EEF1AKMT1: variants seen among roughly 807,000 people sequenced by gnomAD.
EEF1AKMT1 encodes the protein EEF1A lysine methyltransferase 1.
EEF1AKMT1 carries 18 observed loss-of-function variants against 21.0 expected under a neutral mutation model. That is an observed-to-expected ratio of 0.86 (90% CI 0.59 to 1.27). EEF1AKMT1 has a LOEUF of 1.27. Among genes scored for constraint, EEF1AKMT1 ranks in the 50% most tolerant of loss-of-function variants. The probability of loss-of-function intolerance (pLI) is 0.00; values close to 1 mark genes in which losing one functional copy is unlikely to be tolerated. For synonymous variants in EEF1AKMT1, 109 were observed against 94.8 expected (o/e 1.15, Z -0.87); for missense variants, 246 against 258.6 (o/e 0.95, Z 0.33).
intron 2 of EEF1AKMT1, among the ~76,000 whole-genome samples, chr13:20,739,122 A>G (rs568402204): frequency 1.3e-5 from 2 of 151,794 alleles, no homozygotes; most frequent in African/African-American, 4.8e-5. Flanking sequence ...GAGGATTACA[A>G]CTCCTAAGAT....
At chr13:20,743,598 A>G (rs778293711) in intron 2 of EEF1AKMT1, among the ~76,000 whole-genome samples, 19 of 149,554 alleles carry the variant, frequency 1.3e-4, no homozygotes, top group Non-Finnish European at 2.5e-4. Context: ...TTGTCTTAGA[A>G]TAGTTTGCTT....
intron 3 of EEF1AKMT1, among the ~76,000 whole-genome samples, chr13:20,735,334 C>T (rs2058820777): frequency 6.7e-6 from 1 of 149,368 alleles, no homozygotes; most frequent in South Asian, 2.2e-4. Flanking sequence ...CTGCCCCCCA[C>T]CATGACTGTG....
chr13:20,732,694 C>G (rs999828942), intron 3 of EEF1AKMT1, among the ~76,000 whole-genome samples: 4 of 152,152 alleles, frequency 2.6e-5, no homozygotes, highest in Non-Finnish European at 4.4e-5. Flanking sequence ...TGTAAAATAT[C>G]AGGAACACAT....
At chr13:20,737,550 T>C (rs992251441) in intron 3 of EEF1AKMT1, among the ~76,000 whole-genome samples, 173 bp downstream of exon 3, 1 of 152,268 alleles carries the variant, frequency 6.6e-6, no homozygotes, top group Non-Finnish European at 1.5e-5. Context: ...AATAGGTTTC[T>C]GAGTGGGTCT....
At chr13:20,762,440 C>T (rs192173549) in intron 1 of EEF1AKMT1, among the ~76,000 whole-genome samples, 37 of 152,112 alleles carry the variant, frequency 2.4e-4, no homozygotes, top group African/African-American at 6.5e-4. Flanking sequence ...CCGCCCACCT[C>T]GGCCTCCCAA....
chr13:20,739,931 G>C lies in EEF1AKMT1; in HGVS notation c.145-2126C>G, dbSNP rs73167412. Among the ~76,000 whole-genome samples the C allele has an allele frequency of 2.7e-3, 406 of 152,380 alleles. No homozygotes were observed. In the Middle Eastern group the frequency reaches 0.037, roughly 14 times the overall value. ...CCCACCAGTCCCATGCCATGTGCCA[G>C]TGCTTCTCAGCCCTTGGGCAGTTGA... On this transcript the variant is annotated intron_variant, in intron 2 of 4. Coordinates refer to ENST00000382758, the MANE Select transcript of EEF1AKMT1 (RefSeq NM_001318939.2).
intron 3 of EEF1AKMT1, among the ~76,000 whole-genome samples, chr13:20,737,170 C>T (rs1016962110): frequency 7.9e-5 from 12 of 151,928 alleles, no homozygotes; most frequent in African/African-American, 2.9e-4. Flanking sequence ...TCGAGACCAG[C>T]CTGGTTAATA....
At chr13:20,736,194 T>G (rs879411766) in intron 3 of EEF1AKMT1, among the ~76,000 whole-genome samples, 3 of 152,208 alleles carry the variant, frequency 2.0e-5, no homozygotes, top group African/African-American at 2.4e-5. Flanking sequence ...CTAAGCTTGC[T>G]GTGGGCATGG....
chr13:20,767,883 T>C (rs530073739), intron 1 of EEF1AKMT1, among the ~76,000 whole-genome samples: 3 of 152,240 alleles, frequency 2.0e-5, no homozygotes, highest in Non-Finnish European at 2.9e-5. Context: ...TGTTCAAGTT[T>C]ACTAATCTTC....
intron 2 of EEF1AKMT1, among the ~76,000 whole-genome samples, chr13:20,751,664 T>A (rs1446255730): frequency 1.2e-5 from 1 of 81,226 alleles, no homozygotes; most frequent in African/African-American, 3.2e-5. Context: ...TCCACAGGAA[T>A]TTCAGGACTT....
At chr13:20,747,776 G>T (rs879761839) in intron 2 of EEF1AKMT1, 1 of 154,954 alleles carries the variant, frequency 6.5e-6, no homozygotes, top group Admixed American at 6.5e-5. Context: ...GCACATTCTT[G>T]TAAGTAACTC....
At chr13:20,763,491 C>T (rs10161577) in intron 1 of EEF1AKMT1, among the ~76,000 whole-genome samples, 14,047 of 150,552 alleles carry the variant, frequency 0.093, 806 homozygotes, top group Non-Finnish European at 0.13. Flanking sequence ...TTGCTATTGT[C>T]GCCCAGGCTG....
intron 2 of EEF1AKMT1, 174 bp downstream of exon 2, chr13:20,757,281 G>C (rs1427240475): frequency 1.6e-6 from 1 of 629,238 alleles, no homozygotes; most frequent in Non-Finnish European, 2.7e-6. Context: ...CTGTTACACT[G>C]TTCTAAAATG....
chr13:20,768,496 A>G (rs1174665961), intron 1 of EEF1AKMT1, among the ~76,000 whole-genome samples: 2 of 152,126 alleles, frequency 1.3e-5, no homozygotes, highest in East Asian at 1.9e-4. Flanking sequence ...TTATTTCCCT[A>G]TCTTCCAGTA....
chr13:20,773,310 G>C (rs2141445535), intron 1 of EEF1AKMT1, among the ~76,000 whole-genome samples: 1 of 152,296 alleles, frequency 6.6e-6, no homozygotes, highest in Admixed American at 6.5e-5. Flanking sequence ...CCTCCCGGTA[G>C]GGACCCGCTA....
chr13:20,765,665 G>A (rs894567200), intron 1 of EEF1AKMT1, among the ~76,000 whole-genome samples: 1 of 151,664 alleles, frequency 6.6e-6, no homozygotes, highest in African/African-American at 2.4e-5. Context: ...CCTGCCTTGG[G>A]CTCCCAAAGT....
At chr13:20,765,496 T>G (rs541339003) in intron 1 of EEF1AKMT1, among the ~76,000 whole-genome samples, 2 of 125,412 alleles carry the variant, frequency 1.6e-5, no homozygotes, top group African/African-American at 5.9e-5. Flanking sequence ...CACTGCAACC[T>G]CCGCCTTCTA....
chr13:20,747,221 G>C (rs555255759), intron 2 of EEF1AKMT1: 13 of 221,902 alleles, frequency 5.9e-5, no homozygotes, highest in Non-Finnish European at 9.9e-5. Flanking sequence ...GGCAAGGGCA[G>C]GTATGGCAAC....
At chr13:20,738,840 G>A (rs1161147820) in intron 2 of EEF1AKMT1, among the ~76,000 whole-genome samples, 5 of 152,180 alleles carry the variant, frequency 3.3e-5, no homozygotes, top group Non-Finnish European at 5.9e-5. Flanking sequence ...GGATTAGGAG[G>A]TGACAGCTGA....
Sources: allele counts gnomAD v4.1 joint callset (sites outside exome capture counted in the v4.1 genomes callset), GRCh38; gene constraint gnomAD v4.1.1; transcripts MANE v1.5; gene names NCBI Gene and HGNC (gene_info 2026-07-23, HGNC 2026-07-21).